The following XKR9 variants were observed in gnomAD, a reference collection of about 807,000 sequenced individuals.
XKR9 encodes XK related 9, also known as XK-related protein 9.
A neutral mutation model predicts 32.0 loss-of-function variants in XKR9; 32 were observed. The observed-to-expected ratio is 1.00, with a 90% CI of 0.76 to 1.34. The LOEUF (loss-of-function observed/expected upper bound fraction) is 1.34. Among genes scored for constraint, XKR9 ranks in the 40% most tolerant of loss-of-function variants. The probability of loss-of-function intolerance (pLI) is 0.00; values close to 1 mark genes in which losing one functional copy is unlikely to be tolerated. For missense variants in XKR9, 546 were observed against 429.7 expected (o/e 1.27, Z -2.39); for synonymous variants, 168 against 143.4 (o/e 1.17, Z -1.22).
At chr8:70,933,048 G>C in the XKR9 span, among the ~76,000 whole-genome samples, 1 of 152,158 alleles carries the variant, frequency 6.6e-6, no homozygotes, top group East Asian at 1.9e-4. Flanking sequence ...TCTAAAACCC[G>C]GGCCTACCTT....
chr8:70,736,607 C>G (rs1210986614), downstream of XKR9, among the ~76,000 whole-genome samples: 1 of 152,028 alleles, frequency 6.6e-6, no homozygotes, highest in Non-Finnish European at 1.5e-5. Context: ...TTAGGTCTAA[C>G]ATTTAAGTCT....
chr8:70,985,246 T>C, the XKR9 span, among the ~76,000 whole-genome samples: 1 of 152,204 alleles, frequency 6.6e-6, no homozygotes, highest in Non-Finnish European at 1.5e-5. Context: ...CACTTATGAG[T>C]GAGAACATGC....
At chr8:70,781,330 C>T (rs1807613303) in intron 2 of XKR9, among the ~76,000 whole-genome samples, 1 of 152,028 alleles carries the variant, frequency 6.6e-6, no homozygotes, top group Non-Finnish European at 1.5e-5. Flanking sequence ...AGACCCTCAT[C>T]AAATATATGA....
chr8:70,892,364 T>C, the XKR9 span, among the ~76,000 whole-genome samples: 1 of 152,204 alleles, frequency 6.6e-6, no homozygotes. Flanking sequence ...CATTACAGTT[T>C]GGAGATTTTA....
At chr8:70,958,158 A>G in the XKR9 span, among the ~76,000 whole-genome samples, 2 of 152,184 alleles carry the variant, frequency 1.3e-5, no homozygotes, top group African/African-American at 4.8e-5. Flanking sequence ...GTTGCAATGA[A>G]CATATGTGTG....
At chr8:70,950,788 C>T in the XKR9 span, among the ~76,000 whole-genome samples, 1 of 152,136 alleles carries the variant, frequency 6.6e-6, no homozygotes, top group South Asian at 2.1e-4. Context: ...ATTCTGCTGC[C>T]TCAGCCTCCC....
chr8:71,038,320 CTT>C, the XKR9 span, among the ~76,000 whole-genome samples: 1 of 134,576 alleles, frequency 7.4e-6, no homozygotes, highest in Non-Finnish European at 1.6e-5. Context: ...TTTCTTTCCT[CTT>C]TGTTTTTTTT....
intron 3 of XKR9, among the ~76,000 whole-genome samples, chr8:70,701,823 A>C (rs1805547255): frequency 6.6e-6 from 1 of 152,124 alleles, no homozygotes; most frequent in Non-Finnish European, 1.5e-5. Context: ...TCTGTGGAGT[A>C]GGATGTTTCA....
At chr8:70,818,342 A>AT in the XKR9 span, among the ~76,000 whole-genome samples, 1 of 151,668 alleles carries the variant, frequency 6.6e-6, no homozygotes, top group Admixed American at 6.6e-5. Flanking sequence ...ATAGTGCTTT[A>AT]TTTTTTTATT....
chr8:70,934,347 AT>A, the XKR9 span, among the ~76,000 whole-genome samples: 5 of 152,156 alleles, frequency 3.3e-5, no homozygotes, highest in South Asian at 1.0e-3. Flanking sequence ...TGATGTTCAT[AT>A]TTTTAATTTG....
chr8:70,690,529 A>T (rs1426205830), intron 3 of XKR9, among the ~76,000 whole-genome samples: 1 of 144,146 alleles, frequency 6.9e-6, no homozygotes, highest in African/African-American at 2.6e-5. Context: ...TTTAGTAGAG[A>T]TGGGGGTGGG....
the XKR9 span, among the ~76,000 whole-genome samples, chr8:70,931,250 C>CAGGAAGA: frequency 6.6e-6 from 1 of 151,782 alleles, no homozygotes; most frequent in Non-Finnish European, 1.5e-5. Flanking sequence ...ATTCTGTACA[C>CAGGAAGA]AGGAAGAGCT....
the XKR9 span, among the ~76,000 whole-genome samples, chr8:70,961,705 T>G: frequency 6.6e-6 from 1 of 152,300 alleles, no homozygotes; most frequent in African/African-American, 2.4e-5. Context: ...ATTATTTTCC[T>G]TATACTTTTC....
the XKR9 span, among the ~76,000 whole-genome samples, chr8:70,847,239 G>T: frequency 6.6e-6 from 1 of 151,930 alleles, no homozygotes; most frequent in Non-Finnish European, 1.5e-5. Flanking sequence ...GCCCCTGAAT[G>T]ACCAATGGGT....
chr8:70,703,507 C>A (rs1402171681), intron 3 of XKR9, among the ~76,000 whole-genome samples: 1 of 152,186 alleles, frequency 6.6e-6, no homozygotes, highest in South Asian at 2.1e-4. Flanking sequence ...TCTCTAGGGC[C>A]TCTTTTATAA....
At chr8:71,022,752 T>C in the XKR9 span, among the ~76,000 whole-genome samples, 1 of 152,214 alleles carries the variant, frequency 6.6e-6, no homozygotes, top group Non-Finnish European at 1.5e-5. Flanking sequence ...ATTAGAATGC[T>C]TGGATGCTTT....
intron 3 of XKR9, among the ~76,000 whole-genome samples, chr8:70,700,661 GC>G (rs967324615): frequency 2.0e-5 from 3 of 152,194 alleles, no homozygotes; most frequent in African/African-American, 7.2e-5. Context: ...GAGGCAGTCT[GC>G]CCGTTCTGAG....
chr8:70,924,061 T>C, the XKR9 span, among the ~76,000 whole-genome samples: 4 of 152,228 alleles, frequency 2.6e-5, no homozygotes, highest in African/African-American at 7.2e-5. Context: ...TTGCCTGATT[T>C]CATTGCTAAT....
intron 4 of XKR9, among the ~76,000 whole-genome samples, chr8:70,724,960 C>G (rs1010100386): frequency 6.6e-6 from 1 of 152,080 alleles, no homozygotes; most frequent in Non-Finnish European, 1.5e-5. Flanking sequence ...GAAGTTTAAT[C>G]GACTCACAGT....
Sources: gnomAD v4.1 joint callset for allele counts (sites outside exome capture counted in the v4.1 genomes callset) on GRCh38, gnomAD v4.1.1 for gene constraint, MANE v1.5 for transcripts, NCBI Gene and HGNC (gene_info 2026-07-23, HGNC 2026-07-21) for gene names.